Variants in NDST1 observed in about 807,000 individuals in gnomAD.
NDST1 encodes N-deacetylase and N-sulfotransferase 1, also known as bifunctional heparan sulfate N-deacetylase/N-sulfotransferase 1.
NDST1 carries 35 observed loss-of-function variants against 92.8 expected under a neutral mutation model. The observed-to-expected ratio is 0.38, with a 90% CI of 0.29 to 0.50. The LOEUF (loss-of-function observed/expected upper bound fraction) is 0.50, where lower values mean the gene tolerates loss of function less well. NDST1 is among the 20% of genes least tolerant of loss of function. The probability of loss-of-function intolerance (pLI) is 0.94; values close to 1 mark genes in which losing one functional copy is unlikely to be tolerated. For missense variants in NDST1, 822 were observed against 1,182.7 expected, an observed-to-expected ratio of 0.69 and a Z score of 4.47; for synonymous variants, 493 against 500.3, an observed-to-expected ratio of 0.99 and a Z score of 0.19.
chr5:150,503,903 T>G (rs1753338097), upstream of NDST1, among the ~76,000 whole-genome samples: 1 of 152,110 alleles, frequency 6.6e-6, no homozygotes, highest in Admixed American at 6.5e-5. Context: ...TTTGGGGGTG[T>G]GTGACATCAA....
Position 150,528,099 on chromosome 5 carries a change from T to C in NDST1, c.809T>C (p.Leu270Pro). 3.1e-6 allele frequency: 5 copies of C among 1,613,856 alleles called. No individual in the cohort carries two copies. Among genetic ancestry groups the C allele is most frequent in the Non-Finnish European group, 4.2e-6 (5 of 1,179,772 alleles). ...AALHATVVQD[L>P]GLHDGIQRVL... ...CTGCACGCCACTGTGGTCCAGGACC[T>C]GGGCCTGCACGACGGCATCCAGCGC... The change falls in exon 3 of 15, where the codon CTG becomes CCG. Residue 270 changes from leucine to proline, a missense_variant. Physicochemically the swap from Leu to Pro is moderately conservative, Grantham distance 98. Transcript: ENST00000261797.
intron 2 of NDST1, among the ~76,000 whole-genome samples, chr5:150,523,800 A>C (rs1043644552): frequency 2.1e-4 from 32 of 152,078 alleles, no homozygotes; most frequent in African/African-American, 6.8e-4. Flanking sequence ...AGGCCTAGGG[A>C]GGGGTGCGGG....
intron 1 of NDST1, among the ~76,000 whole-genome samples, chr5:150,498,603 C>T (rs1753096621): frequency 6.6e-6 from 1 of 152,288 alleles, no homozygotes; most frequent in East Asian, 1.9e-4. Flanking sequence ...TGTCCTGAGG[C>T]AGGGTTATGT....
intron 3 of NDST1, among the ~76,000 whole-genome samples, chr5:150,529,765 G>T (rs952020971): frequency 6.6e-5 from 10 of 152,204 alleles, no homozygotes; most frequent in Admixed American, 5.9e-4. Context: ...CCAAACCCAG[G>T]CTTGTCTTTG....
chr5:150,546,582 G>C (rs764056157), intron 11 of NDST1, among the ~76,000 whole-genome samples: 1 of 152,240 alleles, frequency 6.6e-6, no homozygotes, highest in Non-Finnish European at 1.5e-5. Context: ...CTGGGTCTTA[G>C]CCCATGGTTG....
chr5:150,548,011 C>T (rs1755567012), intron 11 of NDST1, among the ~76,000 whole-genome samples: 1 of 152,112 alleles, frequency 6.6e-6, no homozygotes. Context: ...CGTCCAGTTC[C>T]CGTATTTCAA....
chr5:150,554,004 A>G lies in NDST1; in HGVS notation c.*672A>G, dbSNP rs1755818526. ...GGGGCACTGCCTTGCCATCGGGCCC[A>G]GTTCTCCGGGCCCCACCTGCACCCC... On this transcript the variant is annotated 3_prime_UTR_variant, in exon 15 of 15. Transcript: ENST00000261797. 7.4e-6 allele frequency: 3 copies of G among 407,892 alleles called. No individual in the cohort carries two copies. The highest frequency in any genetic ancestry group is 1.3e-5 in the Non-Finnish European group (3 of 230,580). The allele number at this position is 407,892 out of a possible 1,614,324, so 25.3% of individuals were successfully genotyped here. A position where few individuals can be genotyped will look rare whatever the true frequency, so the allele number is the denominator to read the frequency against.
At chr5:150,530,427 T>C (rs1157247953) in intron 3 of NDST1, among the ~76,000 whole-genome samples, 1 of 152,180 alleles carries the variant, frequency 6.6e-6, no homozygotes, top group Non-Finnish European at 1.5e-5. Flanking sequence ...AGGTTCTTGC[T>C]GTCTGTCCAG....
At position 150,539,593 on chromosome 5, in the gene NDST1, C is replaced by T. The variant is rs940009950; in HGVS notation, c.1566+237C>T. ...ATGTACTTTAATACAAAAGTGTTGG[C>T]ATTTTTATGCATGTTCCCTTCAGTC... On this transcript the variant is annotated intron_variant, in intron 7 of 14. Transcript: ENST00000261797. 3 of 1,392,820 alleles carry T rather than the reference C, an allele frequency of 2.2e-6. No individual in the cohort carries two copies. In the African/African-American group the frequency reaches 4.4e-5, roughly 20 times the overall value. The allele number at this position is 1,392,820 out of a possible 1,614,324, so 86.3% of individuals were successfully genotyped here.
rs1422806102 is a variant in NDST1 at position 150,533,165 on chromosome 5, C to A, written c.1096+133C>A. 7 of 869,352 alleles carry A rather than the reference C, an allele frequency of 8.1e-6. No individual in the cohort carries two copies. In the African/African-American group the frequency reaches 8.3e-5, roughly 10 times the overall value. The allele number at this position is 869,352 out of a possible 1,614,324, so 53.9% of individuals were successfully genotyped here. On this transcript the variant is annotated intron_variant, in intron 4 of 14. Transcript: ENST00000261797. Reference sequence around the variant, plus strand: ...TTAGAGGCAGAGGTGACCCCTCTGCCCCCGTGGAGCCAACAGCCTACAAGA... The same window carrying A: ...TTAGAGGCAGAGGTGACCCCTCTGCACCCGTGGAGCCAACAGCCTACAAGA...
intron 5 of NDST1, 111 bp from the exon 6 acceptor site, chr5:150,535,589 C>A: frequency 7.3e-7 from 1 of 1,365,066 alleles, no homozygotes; most frequent in Non-Finnish European, 1.0e-6. Context: ...CTCAGACCAG[C>A]AGCCATGCCG....
chr5:150,541,152 C>CTGCT (rs1755229684), intron 8 of NDST1, among the ~76,000 whole-genome samples: 1 of 152,220 alleles, frequency 6.6e-6, no homozygotes, highest in Admixed American at 6.5e-5. Context: ...CTTGTATCTA[C>CTGCT]TGTCTATAGC....
At chr5:150,534,139 CA>C (rs1327495469) in intron 4 of NDST1, among the ~76,000 whole-genome samples, 2 of 151,006 alleles carry the variant, frequency 1.3e-5, no homozygotes, top group African/African-American at 4.9e-5. Flanking sequence ...CTCTGTCACC[CA>C]GGCAGGAGTA....
upstream of NDST1, among the ~76,000 whole-genome samples, chr5:150,507,197 C>T (rs1283659501): frequency 2.0e-5 from 3 of 152,118 alleles, no homozygotes; most frequent in African/African-American, 4.8e-5. Context: ...TGGCCACCCA[C>T]GTGGTGTGAC....
Position 150,553,557 on chromosome 5 carries a change from G to A in NDST1, c.*225G>A, listed in dbSNP as rs113090752. ...CTAAGGGACCTCCCTCGCCAGCAGA[G>A]GTCCATTCCGTTCCCAGCTGCTCCT... On this transcript the variant is annotated 3_prime_UTR_variant, in exon 15 of 15. Coordinates refer to ENST00000261797, the MANE Select transcript of NDST1 (RefSeq NM_001543.5). This position sits in a 1 kb window ranked among gnomAD's most constrained non-coding sequence, Gnocchi z 4.2. 5.4e-6 allele frequency: 3 copies of A among 560,394 alleles called. No individual in the cohort carries two copies. The highest frequency in any genetic ancestry group is 3.7e-5 in the African/African-American group (2 of 53,674). The allele number at this position is 560,394 out of a possible 1,614,324, so 34.7% of individuals were successfully genotyped here.
intron 12 of NDST1, 37 bp downstream of exon 12, chr5:150,548,425 A>G (rs1474156868): frequency 1.8e-5 from 29 of 1,602,056 alleles, no homozygotes; most frequent in Non-Finnish European, 2.4e-5. Context: ...GGGCAGTCAC[A>G]GTACTGGCTT....
intron 5 of NDST1, 114 bp from the exon 6 acceptor site, chr5:150,535,586 C>A: frequency 7.4e-7 from 1 of 1,351,888 alleles, no homozygotes; most frequent in Non-Finnish European, 1.0e-6. Context: ...AGTCTCAGAC[C>A]AGCAGCCATG....
chr5:150,535,252 A>C (rs1031805779), intron 5 of NDST1: 2 of 939,720 alleles, frequency 2.1e-6, no homozygotes, highest in East Asian at 2.3e-4. Flanking sequence ...ACCAGCTACT[A>C]AGAGGTCCAG....
At chr5:150,510,139 G>A (rs1223209157) in intron 1 of NDST1, among the ~76,000 whole-genome samples, 1 of 152,176 alleles carries the variant, frequency 6.6e-6, no homozygotes, top group Non-Finnish European at 1.5e-5. Flanking sequence ...CCCTCTCTGA[G>A]CCTCCATTTC....
Sources: allele counts gnomAD v4.1 joint callset (sites outside exome capture counted in the v4.1 genomes callset), GRCh38; gene constraint gnomAD v4.1.1; non-coding constraint Gnocchi (gnomAD v3.1); transcripts MANE v1.5; gene names NCBI Gene and HGNC (gene_info 2026-07-23, HGNC 2026-07-21).